MITF: variants seen among roughly 807,000 people sequenced by gnomAD.
MITF encodes the protein melanocyte inducing transcription factor.
MITF carries 17 observed loss-of-function variants against 60.5 expected under a neutral mutation model. The ratio of observed to expected loss-of-function variants is 0.28; its 90% CI spans 0.19 to 0.42. MITF has a LOEUF of 0.42. MITF is among the 10% of genes least tolerant of loss of function. The pLI is 1.00. For missense variants in MITF, 622 were observed against 683.5 expected (o/e 0.91, Z 1.00); for synonymous variants, 260 against 248.5 (o/e 1.05, Z -0.43).
intron 8 of MITF, among the ~76,000 whole-genome samples, chr3:69,958,804 G>A (rs991177192): frequency 6.6e-6 from 1 of 152,118 alleles, no homozygotes; most frequent in Non-Finnish European, 1.5e-5. Flanking sequence ...AAGTTGAATT[G>A]TGTCTGTTTC....
At position 69,967,827 on chromosome 3, in the gene MITF, C is replaced by G. The variant is rs1486469988; in HGVS notation, c.*2579C>G. ...CAAGAAAATGATCCACACCACTCCC[C>G]CGATTCCCGGGTGCAGAATTGTAAC... On this transcript the variant is annotated 3_prime_UTR_variant, in exon 10 of 10. Coordinates refer to ENST00000352241, the MANE Select transcript of MITF (RefSeq NM_001354604.2). 4.3e-6 allele frequency: 1 copy of G among 233,074 alleles called. No homozygotes were observed. Among genetic ancestry groups the G allele is most frequent in the Non-Finnish European group, 8.5e-6 (1 of 117,952 alleles). The allele number at this position is 233,074 out of a possible 1,614,324, so 14.4% of individuals were successfully genotyped here.
intron 1 of MITF, among the ~76,000 whole-genome samples, chr3:69,833,153 C>T (rs2063479463): frequency 6.6e-6 from 1 of 151,170 alleles, no homozygotes. Context: ...TTCCTGTTCA[C>T]ATTGTATGTG....
intron 1 of MITF, among the ~76,000 whole-genome samples, chr3:69,826,085 A>G (rs1028241250): frequency 1.3e-5 from 2 of 152,200 alleles, no homozygotes; most frequent in African/African-American, 4.8e-5. Context: ...GAGAATGTAC[A>G]TATTATAAGT....
Position 69,939,289 on chromosome 3 carries a change from T to G in MITF, c.666+108T>G, listed in dbSNP as rs191641090. The G allele has an allele frequency of 5.0e-5, 47 of 944,482 alleles. No individual in the cohort carries two copies. The East Asian group carries it at 1.2e-3, about 24-fold the overall frequency. The allele number at this position is 944,482 out of a possible 1,614,324, so 58.5% of individuals were successfully genotyped here. ...TTAAGCATTTTTTTCCCCCATTGTT[T>G]TTTTTTTTTTTATAGAGAAAGCTAG... On this transcript the variant is annotated intron_variant, in intron 4 of 9. Transcript: ENST00000352241.
At chr3:69,947,483 A>C (rs898719428) in intron 5 of MITF, among the ~76,000 whole-genome samples, 1 of 152,166 alleles carries the variant, frequency 6.6e-6, no homozygotes, top group Non-Finnish European at 1.5e-5. Context: ...ATTTCAACTA[A>C]AACCACTTAG....
intron 6 of MITF, among the ~76,000 whole-genome samples, chr3:69,951,527 G>C (rs1216283322): frequency 6.6e-6 from 1 of 151,826 alleles, no homozygotes; most frequent in East Asian, 1.9e-4. Flanking sequence ...TTTCTTTCTT[G>C]CTAGTATCTG....
chr3:69,959,947 T>G (rs2066499576), intron 9 of MITF, among the ~76,000 whole-genome samples: 1 of 152,198 alleles, frequency 6.6e-6, no homozygotes, highest in Non-Finnish European at 1.5e-5. Context: ...GCTGTGAGTT[T>G]AATATTCATG....
chr3:69,750,163 C>T lies in MITF; in HGVS notation c.104+10462C>T, dbSNP rs1703876277. On this transcript the variant is annotated intron_variant, in intron 1 of 9. Transcript: ENST00000352241. ...TCTCCCTAGTGTTACCCCTCTTTCT[C>T]ACTTTTGGGTTCATATACCTGATAC... is the stretch of plus-strand genomic sequence containing the variant. Among the ~76,000 whole-genome samples, 3 of 152,226 alleles carry T rather than the reference C, an allele frequency of 2.0e-5. No individual in the cohort carries two copies. The South Asian group carries it at 6.2e-4, about 32-fold the overall frequency.
At chr3:69,815,422 A>T (rs917353989) in intron 1 of MITF, among the ~76,000 whole-genome samples, 1 of 152,090 alleles carries the variant, frequency 6.6e-6, no homozygotes. Context: ...TCTCCCCCTC[A>T]GCCTACTCAA....
intron 2 of MITF, among the ~76,000 whole-genome samples, chr3:69,910,989 C>T (rs1044517344): frequency 6.6e-6 from 1 of 151,884 alleles, no homozygotes; most frequent in African/African-American, 2.4e-5. Context: ...TGGCTCTGTC[C>T]CTACCCAAAT....
chr3:69,964,064 C>T (rs896285652), intron 9 of MITF, among the ~76,000 whole-genome samples: 1 of 150,432 alleles, frequency 6.6e-6, no homozygotes, highest in Non-Finnish European at 1.5e-5. Context: ...GCAACCTCCA[C>T]CTCCCAGGTT....
chr3:69,929,713 C>A (rs2065674465), intron 2 of MITF, among the ~76,000 whole-genome samples: 2 of 151,700 alleles, frequency 1.3e-5, no homozygotes, highest in African/African-American at 2.4e-5. Flanking sequence ...TCACAAGATC[C>A]CCCTATTCAT....
In MITF at chr3:69,765,321, T is replaced by G. The variant is rs548575312; in HGVS notation, c.104+25620T>G. On this transcript the variant is annotated intron_variant, in intron 1 of 9. Coordinates refer to ENST00000352241, the MANE Select transcript of MITF (RefSeq NM_001354604.2). Reference sequence around the variant, plus strand: ...CTGTTTAGAATAAGACCAGAATGTGTCTTTTTACTTTATGGAAATGAGTGC... The same window carrying G: ...CTGTTTAGAATAAGACCAGAATGTGGCTTTTTACTTTATGGAAATGAGTGC... Among the ~76,000 whole-genome samples the G allele has an allele frequency of 2.6e-5, 4 of 152,360 alleles. No homozygotes were observed. In the East Asian group the frequency reaches 7.7e-4, roughly 29 times the overall value.
chr3:69,826,557 T>G (rs576438456), intron 1 of MITF, among the ~76,000 whole-genome samples: 162 of 152,322 alleles, frequency 1.1e-3, no homozygotes, highest in African/African-American at 3.7e-3. Context: ...TTTTGGACAT[T>G]GGAAGACAGC....
chr3:69,819,101 A>C (rs1004261513), intron 1 of MITF, among the ~76,000 whole-genome samples: 2 of 152,196 alleles, frequency 1.3e-5, no homozygotes, highest in African/African-American at 4.8e-5. Flanking sequence ...GTTGAGTTGA[A>C]GGTAGAATGG....
intron 2 of MITF, among the ~76,000 whole-genome samples, chr3:69,908,226 A>G (rs564097169): frequency 1.7e-3 from 263 of 152,336 alleles, no homozygotes; most frequent in South Asian, 8.7e-3. Flanking sequence ...GTGAGAAAAC[A>G]TTCCAGAAGG....
At chr3:69,823,146 T>G (rs1453205303) in intron 1 of MITF, among the ~76,000 whole-genome samples, 3 of 152,212 alleles carry the variant, frequency 2.0e-5, no homozygotes, top group African/African-American at 7.2e-5. Flanking sequence ...CCCAAAGTGC[T>G]GGGATTATGG....
intron 1 of MITF, among the ~76,000 whole-genome samples, chr3:69,877,218 C>A (rs2064375588): frequency 6.6e-6 from 1 of 152,040 alleles, no homozygotes; most frequent in Admixed American, 6.5e-5. Flanking sequence ...TAGTATGGGA[C>A]AAATTTTTTA....
intron 9 of MITF, among the ~76,000 whole-genome samples, chr3:69,960,067 A>AATT (rs2066502732): frequency 6.6e-6 from 1 of 152,158 alleles, no homozygotes; most frequent in African/African-American, 2.4e-5. Context: ...TTCCCCTGGG[A>AATT]ACAGTGCTTC....
Sources: gnomAD v4.1 joint callset for allele counts (sites outside exome capture counted in the v4.1 genomes callset) on GRCh38, gnomAD v4.1.1 for gene constraint, MANE v1.5 for transcripts, NCBI Gene and HGNC (gene_info 2026-07-23, HGNC 2026-07-21) for gene names.